Variants in C1orf146 observed in about 807,000 individuals in gnomAD.
C1orf146 encodes protein SPO16 homolog.
C1orf146 carries 22 observed loss-of-function variants against 23.0 expected under a neutral mutation model. That is an observed-to-expected ratio of 0.96 (90% CI 0.68 to 1.36). The LOEUF is 1.36. Ranked by LOEUF, C1orf146 falls within the 40% of genes most tolerant of loss-of-function variation. C1orf146 has a pLI of 0.00. For missense variants in C1orf146, 199 were observed against 206.8 expected (o/e 0.96, Z 0.23); for synonymous variants, 59 against 65.3 (o/e 0.90, Z 0.47).
chr1:92,244,997 T>C (rs1158195861), intron 5 of C1orf146, 140 bp downstream of exon 5: 2 of 545,452 alleles, frequency 3.7e-6, no homozygotes, highest in Non-Finnish European at 6.5e-6. Flanking sequence ...GTGCAACTTT[T>C]TCCCAAGCCT....
chr1:92,236,830 A>C (rs542279876), intron 2 of C1orf146, among the ~76,000 whole-genome samples: 1 of 151,674 alleles, frequency 6.6e-6, no homozygotes, highest in South Asian at 2.1e-4. Flanking sequence ...TTTTCTCTAA[A>C]CTTCCCTTCT....
intron 3 of C1orf146, among the ~76,000 whole-genome samples, chr1:92,242,566 GAAA>G (rs1358910537): frequency 6.6e-6 from 1 of 152,106 alleles, no homozygotes; most frequent in East Asian, 1.9e-4. Context: ...GATGAAAATA[GAAA>G]AAGCCACTTT....
intron 1 of C1orf146, among the ~76,000 whole-genome samples, chr1:92,224,366 T>G (rs1039583412): frequency 6.6e-6 from 1 of 152,108 alleles, no homozygotes; most frequent in African/African-American, 2.4e-5. Context: ...GTTTTTAACT[T>G]AGATTAAGTC....
At chr1:92,228,625 C>G (rs1167424845) in intron 1 of C1orf146, among the ~76,000 whole-genome samples, 1 of 152,196 alleles carries the variant, frequency 6.6e-6, no homozygotes, top group African/African-American at 2.4e-5. Flanking sequence ...AATCCCAGAA[C>G]ACTCAGCCCT....
intron 1 of C1orf146, among the ~76,000 whole-genome samples, chr1:92,221,413 G>A (rs1644661329): frequency 1.3e-5 from 2 of 152,142 alleles, no homozygotes; most frequent in Admixed American, 1.3e-4. Flanking sequence ...AGGATCATTT[G>A]TACCACAAAC....
At chr1:92,225,560 G>A (rs1243571840) in intron 1 of C1orf146, among the ~76,000 whole-genome samples, 1 of 152,128 alleles carries the variant, frequency 6.6e-6, no homozygotes, top group Non-Finnish European at 1.5e-5. Context: ...ACTTAGAAGT[G>A]TGTGTTTGAT....
intron 2 of C1orf146, among the ~76,000 whole-genome samples, chr1:92,240,518 A>G (rs1411478133): frequency 6.6e-6 from 1 of 152,224 alleles, no homozygotes; most frequent in Non-Finnish European, 1.5e-5. Context: ...TCTGAGTGAC[A>G]CAAAATACTC....
chr1:92,239,122 C>A (rs1227253200), intron 2 of C1orf146, among the ~76,000 whole-genome samples: 1 of 152,124 alleles, frequency 6.6e-6, no homozygotes. Flanking sequence ...AACATATCTT[C>A]TAGTTCTTTG....
chr1:92,235,604 G>A (rs1652254782), intron 2 of C1orf146, among the ~76,000 whole-genome samples: 1 of 152,206 alleles, frequency 6.6e-6, no homozygotes. Context: ...GGGGTGGAGA[G>A]TTCTGTAGAT....
chr1:92,229,515 T>G, intron 1 of C1orf146: 1 of 421,292 alleles, frequency 2.4e-6, no homozygotes, highest in Non-Finnish European at 4.6e-6. Flanking sequence ...CTGGACCTGA[T>G]CCGGAAGTTT....
chr1:92,229,100 G>A (rs930214743), intron 1 of C1orf146: 2 of 502,116 alleles, frequency 4.0e-6, no homozygotes, highest in Non-Finnish European at 7.9e-6. Context: ...TGGACAGTGA[G>A]GTCAGGATGG....
chr1:92,222,747 C>T (rs530563714), intron 1 of C1orf146, among the ~76,000 whole-genome samples: 12 of 151,498 alleles, frequency 7.9e-5, no homozygotes, highest in South Asian at 2.1e-4. Flanking sequence ...CCACCACGCC[C>T]GGCTAATTTT....
chr1:92,237,906 T>G (rs1372023267), intron 2 of C1orf146, among the ~76,000 whole-genome samples: 1 of 152,328 alleles, frequency 6.6e-6, no homozygotes, highest in East Asian at 1.9e-4. Flanking sequence ...ATTTTCTTCC[T>G]TATGAGTGAT....
intron 1 of C1orf146, among the ~76,000 whole-genome samples, chr1:92,223,202 GT>G (rs756188853): frequency 6.6e-6 from 1 of 152,098 alleles, no homozygotes; most frequent in Non-Finnish European, 1.5e-5. Context: ...GGATATCATG[GT>G]AAGTATATGA....
At chr1:92,218,462 G>GA (rs1374319738) in intron 1 of C1orf146, among the ~76,000 whole-genome samples, 2 of 151,672 alleles carry the variant, frequency 1.3e-5, no homozygotes, top group African/African-American at 4.8e-5. Context: ...CCAGAGCTTG[G>GA]AAAAAACAAA....
At position 92,244,383 on chromosome 1, in the gene C1orf146, G is replaced by T; in HGVS notation, c.327G>T (p.Gln109His). The change falls in exon 4 of 6, where the codon CAG (glutamine) becomes CAT (histidine). Residue 109 changes from glutamine (Q) to histidine (H), a missense_variant and splice_region_variant. Coordinates refer to ENST00000370375, the MANE Select transcript of C1orf146 (RefSeq NM_001012425.2). ...GGAAACTGATGTTCAGGATTCAGCA[G>T]AGGTATGGAAGAATAGCATTATAGA... ...EEWKLMFRIQQRFLGCNLRIL... is the reference protein window; with the variant it reads ...EEWKLMFRIQHRFLGCNLRIL... The T allele has an allele frequency of 6.3e-7, 1 of 1,591,606 alleles. No homozygotes were observed. Among genetic ancestry groups the T allele is most frequent in the Non-Finnish European group, 8.5e-7 (1 of 1,173,308 alleles).
intron 1 of C1orf146, chr1:92,228,976 C>T (rs1652037169): frequency 1.1e-5 from 5 of 450,272 alleles, no homozygotes; most frequent in Non-Finnish European, 2.2e-5. Flanking sequence ...CTGAATTAAC[C>T]CATGCAGCAA....
intron 1 of C1orf146, among the ~76,000 whole-genome samples, chr1:92,225,749 C>A (rs940818094): frequency 6.6e-6 from 1 of 151,748 alleles, no homozygotes; most frequent in Non-Finnish European, 1.5e-5. Context: ...ATATATTGAC[C>A]TTTTTATCAT....
intron 1 of C1orf146, among the ~76,000 whole-genome samples, chr1:92,222,336 G>A (rs1005863466): frequency 6.6e-6 from 1 of 151,926 alleles, no homozygotes; most frequent in Non-Finnish European, 1.5e-5. Context: ...TATACAACAT[G>A]CATGTGTATA....
Sources: gnomAD v4.1 joint callset for allele counts (sites outside exome capture counted in the v4.1 genomes callset) on GRCh38, gnomAD v4.1.1 for gene constraint, MANE v1.5 for transcripts, NCBI Gene and HGNC (gene_info 2026-07-23, HGNC 2026-07-21) for gene names.